The following CSRNP3 variants were observed in gnomAD, a reference collection of about 807,000 sequenced individuals.
CSRNP3 encodes the protein cysteine and serine rich nuclear protein 3, also known as cysteine/serine-rich nuclear protein 3.
A neutral mutation model predicts 48.0 loss-of-function variants in CSRNP3; 12 were observed. The observed-to-expected ratio is 0.25, with a 90% confidence interval of 0.16 to 0.41. CSRNP3 has a LOEUF of 0.41. Among genes scored for constraint, CSRNP3 ranks in the 10% least tolerant of loss-of-function variants. CSRNP3 has a pLI of 1.00. For missense variants in CSRNP3, 580 were observed against 724.4 expected, an observed-to-expected ratio of 0.80 and a Z score of 2.29; for synonymous variants, 263 against 269.7, an observed-to-expected ratio of 0.98 and a Z score of 0.24.
chr2:165,630,111 A>T (rs751265045), intron 4 of CSRNP3, among the ~76,000 whole-genome samples: 1 of 152,192 alleles, frequency 6.6e-6, no homozygotes, highest in Non-Finnish European at 1.5e-5. Context: ...ACTAAAATAA[A>T]ACCTAGGGTG....
In CSRNP3 at chr2:165,684,215, GA is replaced by G; in HGVS notation, c.*4466del. ...CAAAGACATCACTTTGCAGCAGGTG[GA>G]AAACAGAGAGGTTGTTAGACTCCAT... On this transcript the variant is annotated 3_prime_UTR_variant, in exon 7 of 7. Transcript: ENST00000651982. 1 of 152,216 alleles carries G rather than the reference GA, an allele frequency of 6.6e-6. No individual in the cohort carries two copies. The highest frequency in any genetic ancestry group is 1.9e-4 in the East Asian group (1 of 5,180). 9.4% of individuals were successfully genotyped at this position (152,216 alleles called of 1,614,324 possible). A position where few individuals can be genotyped will look rare whatever the true frequency, so the allele number is the denominator to read the frequency against.
At chr2:165,517,371 T>C (rs1419783378) in intron 2 of CSRNP3, among the ~76,000 whole-genome samples, 1 of 150,290 alleles carries the variant, frequency 6.7e-6, no homozygotes, top group Admixed American at 6.6e-5. Flanking sequence ...AATATATAAA[T>C]ATTTGAGTTA....
intron 4 of CSRNP3, among the ~76,000 whole-genome samples, chr2:165,604,906 A>T (rs992816783): frequency 2.6e-5 from 4 of 152,318 alleles, no homozygotes; most frequent in African/African-American, 9.6e-5. Flanking sequence ...TCTTTATTTC[A>T]GCCTACTGAG....
intron 3 of CSRNP3, among the ~76,000 whole-genome samples, chr2:165,537,952 G>C (rs1268853780): frequency 1.3e-5 from 2 of 151,904 alleles, no homozygotes; most frequent in East Asian, 3.9e-4. Context: ...GCCCCTGTTT[G>C]ATGAAACTAC....
intron 3 of CSRNP3, among the ~76,000 whole-genome samples, chr2:165,580,445 C>T (rs904652117): frequency 6.6e-6 from 1 of 152,176 alleles, no homozygotes; most frequent in African/African-American, 2.4e-5. Flanking sequence ...CTATATTGTG[C>T]CTAAGGTGGT....
At chr2:165,600,198 C>T (rs1471720023) in intron 4 of CSRNP3, among the ~76,000 whole-genome samples, 32 of 141,914 alleles carry the variant, frequency 2.3e-4, no homozygotes, top group African/African-American at 8.2e-4. Flanking sequence ...GTTTTTTGTT[C>T]TTGCGATAGT....
intron 3 of CSRNP3, among the ~76,000 whole-genome samples, chr2:165,581,317 GA>G (rs1341636009): frequency 6.6e-6 from 1 of 152,168 alleles, no homozygotes; most frequent in Non-Finnish European, 1.5e-5. Context: ...GAGAGTCATG[GA>G]AAACCTCTTT....
intron 1 of CSRNP3, among the ~76,000 whole-genome samples, chr2:165,477,417 G>A (rs1317245445): frequency 1.4e-5 from 2 of 147,100 alleles, no homozygotes; most frequent in African/African-American, 2.5e-5. Context: ...TCAGAAGTTC[G>A]AGACCAGCCT....
intron 3 of CSRNP3, among the ~76,000 whole-genome samples, chr2:165,570,825 A>T (rs980889672): frequency 6.6e-6 from 1 of 151,972 alleles, no homozygotes; most frequent in Non-Finnish European, 1.5e-5. Context: ...TATCTAAAAC[A>T]TATATGAATA....
intron 4 of CSRNP3, among the ~76,000 whole-genome samples, chr2:165,629,859 T>G (rs1307256716): frequency 6.6e-6 from 1 of 152,212 alleles, no homozygotes; most frequent in African/African-American, 2.4e-5. Flanking sequence ...CATTTTGCAC[T>G]CTACCTTTCA....
intron 3 of CSRNP3, among the ~76,000 whole-genome samples, chr2:165,560,830 A>G (rs191267367): frequency 4.7e-4 from 72 of 152,316 alleles, no homozygotes; most frequent in Admixed American, 1.4e-3. Flanking sequence ...CCGTTTATGT[A>G]CTTGGCTTGC....
At chr2:165,644,374 AGGG>A (rs1303674040) in intron 4 of CSRNP3, among the ~76,000 whole-genome samples, 1 of 152,224 alleles carries the variant, frequency 6.6e-6, no homozygotes, top group Non-Finnish European at 1.5e-5. Flanking sequence ...ATGAGGCTTC[AGGG>A]GAGAACTGTT....
At chr2:165,556,052 C>T (rs1685156698) in intron 3 of CSRNP3, among the ~76,000 whole-genome samples, 1 of 151,972 alleles carries the variant, frequency 6.6e-6, no homozygotes, top group African/African-American at 2.4e-5. Flanking sequence ...AAAAGGGGCA[C>T]CAATGACTAG....
At chr2:165,481,290 T>A (rs1425409490) in intron 1 of CSRNP3, among the ~76,000 whole-genome samples, 2 of 152,218 alleles carry the variant, frequency 1.3e-5, no homozygotes, top group African/African-American at 4.8e-5. Context: ...AGGTAGACTC[T>A]TGGCAAGATA....
chr2:165,605,633 A>C (rs1221190258), intron 4 of CSRNP3, among the ~76,000 whole-genome samples: 1 of 152,188 alleles, frequency 6.6e-6, no homozygotes. Context: ...ATATAGATGC[A>C]TATGATTGCC....
At chr2:165,604,046 A>G (rs1034580697) in intron 4 of CSRNP3, among the ~76,000 whole-genome samples, 3 of 152,222 alleles carry the variant, frequency 2.0e-5, no homozygotes, top group Admixed American at 6.5e-5. Context: ...TCAGTACATG[A>G]TAAGTATTTA....
chr2:165,594,646 G>T (rs750669839), intron 3 of CSRNP3, among the ~76,000 whole-genome samples: 23 of 152,150 alleles, frequency 1.5e-4, no homozygotes, highest in Non-Finnish European at 2.6e-4. Flanking sequence ...GAGTACAAAG[G>T]TCGTGCATAC....
intron 3 of CSRNP3, among the ~76,000 whole-genome samples, chr2:165,551,994 T>C (rs1237415788): frequency 6.6e-6 from 1 of 152,240 alleles, no homozygotes; most frequent in East Asian, 1.9e-4. Context: ...TATGGCACAA[T>C]GATAAATCAT....
At chr2:165,522,483 T>C (rs1684675765) in intron 3 of CSRNP3, among the ~76,000 whole-genome samples, 2 of 151,800 alleles carry the variant, frequency 1.3e-5, no homozygotes, top group African/African-American at 4.8e-5. Flanking sequence ...ATAACATAAG[T>C]GGGAAAACAA....
Sources: gnomAD v4.1 joint callset for allele counts (sites outside exome capture counted in the v4.1 genomes callset) on GRCh38, gnomAD v4.1.1 for gene constraint, MANE v1.5 for transcripts, NCBI Gene and HGNC (gene_info 2026-07-23, HGNC 2026-07-21) for gene names.